The following GABRG2 variants were observed in gnomAD, a reference collection of about 807,000 sequenced individuals.
GABRG2 encodes gamma-aminobutyric acid receptor subunit gamma-2.
In GABRG2, 16 loss-of-function variants were observed where a neutral mutation model predicts 56.4. The ratio of observed to expected loss-of-function variants is 0.28; its 90% CI spans 0.19 to 0.43. The LOEUF is 0.43. Ranked by LOEUF, GABRG2 falls within the 20% of genes least tolerant of loss-of-function variation. The pLI is 1.00. For missense variants in GABRG2, 327 were observed against 582.7 expected, an observed-to-expected ratio of 0.56 and a Z score of 4.52; for synonymous variants, 208 against 205.5, an observed-to-expected ratio of 1.01 and a Z score of -0.10.
intron 9 of GABRG2, 44 bp from the exon 10 acceptor site, chr5:162,153,049 G>A (rs201816301): frequency 1.1e-5 from 18 of 1,612,424 alleles, no homozygotes; most frequent in Admixed American, 8.3e-5. Context: ...AGGATCTCTC[G>A]AGAACAACTA....
Position 162,104,033 on chromosome 5 carries a change from T to A in GABRG2, c.769+7T>A. On this transcript the variant is annotated splice_region_variant and intron_variant, in intron 6 of 9. Transcript: ENST00000639213. ...GTAGTGAAGACAACTTCCGGTAAGATGCACTGGCAAAGAATTTCAAGTGAC... is the reference window on the plus strand; with the variant it reads ...GTAGTGAAGACAACTTCCGGTAAGAAGCACTGGCAAAGAATTTCAAGTGAC... The A allele has an allele frequency of 6.2e-7, 1 of 1,613,932 alleles. No individual in the cohort carries two copies.
intron 8 of GABRG2, chr5:162,149,871 C>T: frequency 3.2e-6 from 1 of 312,970 alleles, no homozygotes; most frequent in South Asian, 2.8e-5. Context: ...GTCTCGGCCT[C>T]CCAAAGTGCT....
At chr5:162,141,738 G>GT (rs921656733) in intron 6 of GABRG2, among the ~76,000 whole-genome samples, 1 of 152,156 alleles carries the variant, frequency 6.6e-6, no homozygotes, top group Admixed American at 6.5e-5. Context: ...ATCCTTGTAT[G>GT]TTTTTTATAA....
At chr5:162,100,836 G>A (rs1013102201) in intron 4 of GABRG2, among the ~76,000 whole-genome samples, 1 of 152,138 alleles carries the variant, frequency 6.6e-6, no homozygotes, top group African/African-American at 2.4e-5. Flanking sequence ...TAGCAGTTAA[G>A]ATCTTAGAAT....
At chr5:162,104,556 A>G (rs1391515240) in intron 6 of GABRG2, among the ~76,000 whole-genome samples, 1 of 152,186 alleles carries the variant, frequency 6.6e-6, no homozygotes, top group East Asian at 1.9e-4. Context: ...GGGCAAATGT[A>G]TTGAATCTCT....
chr5:162,111,735 G>A (rs1762265824), intron 6 of GABRG2, among the ~76,000 whole-genome samples: 2 of 152,104 alleles, frequency 1.3e-5, no homozygotes, highest in African/African-American at 4.8e-5. Flanking sequence ...TTTGTTCAAG[G>A]ATATTCAATG....
intron 1 of GABRG2, among the ~76,000 whole-genome samples, chr5:162,077,073 CTGTG>C (rs55938019): frequency 0.047 from 6,838 of 146,656 alleles, 385 homozygotes; most frequent in African/African-American, 0.13. Context: ...ACAACTACCC[CTGTG>C]TGTGTGTGTG....
At chr5:162,069,004 T>C (rs1758457258) in intron 1 of GABRG2, among the ~76,000 whole-genome samples, 2 of 152,154 alleles carry the variant, frequency 1.3e-5, no homozygotes, top group Admixed American at 1.3e-4. Flanking sequence ...AAGTACACAT[T>C]AATGTTTTAA....
chr5:162,141,886 G>C (rs1000410783), intron 6 of GABRG2, among the ~76,000 whole-genome samples: 5 of 152,048 alleles, frequency 3.3e-5, no homozygotes, highest in African/African-American at 1.2e-4. Flanking sequence ...TAGGAAGAAA[G>C]GACGTCAGAA....
intron 6 of GABRG2, among the ~76,000 whole-genome samples, chr5:162,113,022 G>C (rs908412356): frequency 1.3e-5 from 2 of 151,792 alleles, no homozygotes; most frequent in Non-Finnish European, 1.5e-5. Context: ...GTGAGATCTC[G>C]ACTCATGCAA....
chr5:162,084,213 T>C (rs1759880410), intron 1 of GABRG2, among the ~76,000 whole-genome samples: 1 of 151,814 alleles, frequency 6.6e-6, no homozygotes, highest in Non-Finnish European at 1.5e-5. Context: ...ACTTTCTAAT[T>C]ATATGTTTCA....
chr5:162,138,740 A>G (rs1225487389), intron 6 of GABRG2, among the ~76,000 whole-genome samples: 1 of 152,160 alleles, frequency 6.6e-6, no homozygotes, highest in Non-Finnish European at 1.5e-5. Context: ...TTGATACTTC[A>G]TTTTTTCACC....
chr5:162,136,938 T>C (rs897864984), intron 6 of GABRG2, among the ~76,000 whole-genome samples: 7 of 152,196 alleles, frequency 4.6e-5, no homozygotes, highest in African/African-American at 7.2e-5. Flanking sequence ...AGAGCTTAGC[T>C]ATATATTTTT....
At chr5:162,113,526 C>A (rs1235962043) in intron 6 of GABRG2, among the ~76,000 whole-genome samples, 2 of 152,218 alleles carry the variant, frequency 1.3e-5, no homozygotes, top group African/African-American at 4.8e-5. Flanking sequence ...AAGATGATAT[C>A]TTTCTTTAGA....
intron 1 of GABRG2, among the ~76,000 whole-genome samples, chr5:162,077,720 GGGTAGCTT>G (rs1424204329): frequency 6.6e-6 from 1 of 152,140 alleles, no homozygotes; most frequent in Non-Finnish European, 1.5e-5. Flanking sequence ...ATCCAATAAT[GGGTAGCTT>G]GGTAATTGCA....
intron 6 of GABRG2, among the ~76,000 whole-genome samples, chr5:162,134,168 A>C (rs1203767605): frequency 1.3e-5 from 2 of 152,110 alleles, no homozygotes; most frequent in Non-Finnish European, 2.9e-5. Flanking sequence ...CTACAGAAGG[A>C]GTATGGGTTT....
intron 6 of GABRG2, among the ~76,000 whole-genome samples, chr5:162,137,826 C>A (rs540003620): frequency 6.6e-6 from 1 of 152,176 alleles, no homozygotes; most frequent in East Asian, 1.9e-4. Context: ...CCCACTGCAA[C>A]CTGCAACCTC....
At chr5:162,084,218 G>A (rs1759880830) in intron 1 of GABRG2, among the ~76,000 whole-genome samples, 1 of 151,706 alleles carries the variant, frequency 6.6e-6, no homozygotes, top group African/African-American at 2.4e-5. Flanking sequence ...CTAATTATAT[G>A]TTTCAATGTC....
rs547545517 is a variant in GABRG2 at position 162,118,701 on chromosome 5, G to A, written c.769+14675G>A. Among the ~76,000 whole-genome samples the A allele has an allele frequency of 9.2e-5, 14 of 152,202 alleles. No homozygotes were observed. The South Asian group carries it at 2.5e-3, about 27-fold the overall frequency. ...CCACAAGGAACAAGGCTGAGATTGT[G>A]ACTCAAGTTCCTACTTCTCACTCCT... On this transcript the variant is annotated intron_variant, in intron 6 of 9. Coordinates refer to ENST00000639213, the MANE Select transcript of GABRG2 (RefSeq NM_198904.4).
Sources: allele counts gnomAD v4.1 joint callset (sites outside exome capture counted in the v4.1 genomes callset), GRCh38; gene constraint gnomAD v4.1.1; transcripts MANE v1.5; gene names NCBI Gene and HGNC (gene_info 2026-07-23, HGNC 2026-07-21).